Variants in ADAM23 observed in about 807,000 individuals in gnomAD.
ADAM23 encodes disintegrin and metalloproteinase domain-containing protein 23.
In ADAM23, 33 loss-of-function variants were observed where a neutral mutation model predicts 120.1. The ratio of observed to expected loss-of-function variants is 0.27; its 90% CI spans 0.21 to 0.37. The LOEUF (loss-of-function observed/expected upper bound fraction) is 0.37, where lower values mean the gene tolerates loss of function less well. Ranked by LOEUF, ADAM23 falls within the 10% of genes least tolerant of loss-of-function variation. The pLI is 1.00. For missense variants in ADAM23, 862 were observed against 1,058.2 expected, an observed-to-expected ratio of 0.81 and a Z score of 2.57; for synonymous variants, 367 against 375.2, an observed-to-expected ratio of 0.98 and a Z score of 0.25.
intron 2 of ADAM23, among the ~76,000 whole-genome samples, chr2:206,446,779 C>T (rs1695090718): frequency 6.6e-6 from 1 of 151,954 alleles, no homozygotes; most frequent in South Asian, 2.1e-4. Context: ...CTGTTCTCAG[C>T]CAGCCCTTTT....
intron 4 of ADAM23, among the ~76,000 whole-genome samples, chr2:206,533,367 A>G (rs1399507027): frequency 6.6e-6 from 1 of 151,824 alleles, no homozygotes; most frequent in Non-Finnish European, 1.5e-5. Context: ...ATGCCCAAAT[A>G]ATTTTTTTTG....
At chr2:206,604,389 TC>T (rs1698694363) in intron 24 of ADAM23, among the ~76,000 whole-genome samples, 1 of 152,252 alleles carries the variant, frequency 6.6e-6, no homozygotes, top group Non-Finnish European at 1.5e-5. Context: ...TACCTTTCAG[TC>T]CCAGTGTTTG....
chr2:206,530,669 C>CTTTTTTTTTTTTT, intron 3 of ADAM23, among the ~76,000 whole-genome samples: 1 of 74,814 alleles, frequency 1.3e-5, no homozygotes, highest in Non-Finnish European at 2.5e-5. Flanking sequence ...TGTGTCTTGT[C>CTTTTTTTTTTTTT]TTTTTTTTTT....
In ADAM23 at chr2:206,617,684, T is replaced by G; in HGVS notation, c.*57T>G. 6.2e-7 allele frequency: 1 copy of G among 1,607,246 alleles called. No homozygotes were observed. Among genetic ancestry groups the G allele is most frequent in the South Asian group, 1.1e-5 (1 of 89,478 alleles). On this transcript the variant is annotated 3_prime_UTR_variant, in exon 26 of 26. Coordinates refer to ENST00000264377, the MANE Select transcript of ADAM23 (RefSeq NM_003812.4). ...CTGTTGGATTCTGGGTATGACATAC[T>G]CGCAGCAGTGTTACTGGAACTATTA...
chr2:206,479,266 AGT>A (rs1695845955), intron 2 of ADAM23, among the ~76,000 whole-genome samples: 1 of 152,170 alleles, frequency 6.6e-6, no homozygotes, highest in Admixed American at 6.5e-5. Flanking sequence ...ATTTTGCAAG[AGT>A]GTTGTCAGTG....
chr2:206,594,753 T>C lies in ADAM23; in HGVS notation c.2095T>C (p.Leu699=), dbSNP rs200495661. 9 of 1,614,170 alleles carry C rather than the reference T, an allele frequency of 5.6e-6. No homozygotes were observed. The East Asian group carries it at 1.8e-4, about 32-fold the overall frequency. Residue 699 remains leucine (L), a synonymous_variant, in exon 23 of 26, where the codon TTA becomes CTA. Transcript: ENST00000264377. ...TTGTTTTAGTGGTGCCCATGTAGTTTTAGATGATGATACGGATGTGGGCTA... is the reference window on the plus strand; with the variant it reads ...TTGTTTTAGTGGTGCCCATGTAGTTCTAGATGATGATACGGATGTGGGCTA... ...VIDCSGAHVV[L]DDDTDVGYVE...
intron 3 of ADAM23, among the ~76,000 whole-genome samples, chr2:206,494,951 A>C (rs1696207737): frequency 2.0e-5 from 3 of 152,360 alleles, no homozygotes; most frequent in Non-Finnish European, 4.4e-5. Flanking sequence ...TTAGATAAAA[A>C]AAGAATAAAA....
intron 2 of ADAM23, among the ~76,000 whole-genome samples, chr2:206,450,348 C>A (rs1322395742): frequency 1.3e-5 from 2 of 152,152 alleles, no homozygotes; most frequent in African/African-American, 4.8e-5. Flanking sequence ...TCCAGGTCTT[C>A]CTAAGCAGTC....
intron 2 of ADAM23, among the ~76,000 whole-genome samples, chr2:206,470,515 A>G (rs894228240): frequency 1.8e-4 from 28 of 152,210 alleles, no homozygotes; most frequent in Non-Finnish European, 3.2e-4. Flanking sequence ...TCACGTATCA[A>G]TATTAGCTTT....
intron 4 of ADAM23, among the ~76,000 whole-genome samples, 157 bp downstream of exon 4, chr2:206,531,105 A>G (rs2269181): frequency 0.18 from 27,733 of 152,188 alleles, 2,977 homozygotes; most frequent in African/African-American, 0.3. Context: ...ATTAAAATAT[A>G]CAAATGTTTG....
Position 206,484,602 on chromosome 2 carries a change from A to G in ADAM23, c.509+3294A>G, listed in dbSNP as rs185673247. Among the ~76,000 whole-genome samples the G allele has an allele frequency of 1.2e-3, 189 of 152,218 alleles. 1 individual carries two copies. The highest frequency in any genetic ancestry group is 4.3e-3 in the African/African-American group (180 of 41,530). On this transcript the variant is annotated intron_variant, in intron 3 of 25. Coordinates refer to ENST00000264377, the MANE Select transcript of ADAM23 (RefSeq NM_003812.4). ...ATAACTTGCATAGTTAAGTATCAGG[A>G]TCCAGTCTGGGTTAGAAGGGAGATG...
At chr2:206,514,162 C>A (rs967669614) in intron 3 of ADAM23, among the ~76,000 whole-genome samples, 1 of 152,104 alleles carries the variant, frequency 6.6e-6, no homozygotes, top group South Asian at 2.1e-4. Context: ...TTCAGAAATA[C>A]ATTTTGTATT....
chr2:206,456,244 A>T (rs1426175076), intron 2 of ADAM23, among the ~76,000 whole-genome samples: 1 of 152,074 alleles, frequency 6.6e-6, no homozygotes, highest in African/African-American at 2.4e-5. Context: ...AGCAGGAGAG[A>T]GAGAGCAAGC....
intron 4 of ADAM23, 61 bp from the exon 5 acceptor site, chr2:206,541,991 G>A (rs771182635): frequency 6.5e-7 from 1 of 1,537,366 alleles, no homozygotes; most frequent in African/African-American, 1.4e-5. Context: ...CTTTATGGAA[G>A]CACCCAAAGA....
chr2:206,557,838 G>A (rs186643315), intron 10 of ADAM23, among the ~76,000 whole-genome samples: 1 of 152,224 alleles, frequency 6.6e-6, no homozygotes, highest in Non-Finnish European at 1.5e-5. Context: ...GAAACAACTG[G>A]GCTTTTCTTA....
chr2:206,587,993 A>G lies in ADAM23; in HGVS notation c.1789-98A>G, dbSNP rs142944948. Reference sequence around the variant, plus strand: ...AAAAATATTAGGGTATGAAATGAAAAAACTTTATCCAAGTGAACCAGAAGG... The same window carrying G: ...AAAAATATTAGGGTATGAAATGAAAGAACTTTATCCAAGTGAACCAGAAGG... On this transcript the variant is annotated intron_variant, in intron 19 of 25. Coordinates refer to ENST00000264377, the MANE Select transcript of ADAM23 (RefSeq NM_003812.4). 7.6e-4 allele frequency: 981 copies of G among 1,283,882 alleles called. 4 individuals are homozygous for G. In the African/African-American group the frequency reaches 0.012, roughly 16 times the overall value. 79.5% of individuals were successfully genotyped at this position (1,283,882 alleles called of 1,614,324 possible).
chr2:206,455,926 T>G, intron 2 of ADAM23, among the ~76,000 whole-genome samples: 1 of 152,182 alleles, frequency 6.6e-6, no homozygotes, highest in East Asian at 1.9e-4. Context: ...GTTCCAGACT[T>G]TCCCACATTT....
At chr2:206,592,526 A>T (rs1173042092) in intron 21 of ADAM23, 91 bp from the exon 22 acceptor site, 51 of 1,454,862 alleles carry the variant, frequency 3.5e-5, no homozygotes, top group Non-Finnish European at 4.5e-5. Flanking sequence ...ATAATATTTT[A>T]AAAATTTGAA....
chr2:206,589,507 A>C lies in ADAM23; in HGVS notation c.1951A>C (p.Ser651Arg). Reference sequence around the variant, plus strand: ...GGATGGAGACCGGTGGATTCAGTGCAGCAAACAGTGAGTGGTCAGCTCTAA... The same window carrying C: ...GGATGGAGACCGGTGGATTCAGTGCCGCAAACAGTGAGTGGTCAGCTCTAA... ...GKDGDRWIQC[S>R]KHDVFCGFLL... Residue 651 changes from serine to arginine, a missense_variant, in exon 21 of 26, where the codon AGC becomes CGC. Coordinates refer to ENST00000264377, the MANE Select transcript of ADAM23 (RefSeq NM_003812.4). 3.7e-6 allele frequency: 6 copies of C among 1,613,202 alleles called. No homozygotes were observed. Among genetic ancestry groups the C allele is most frequent in the Non-Finnish European group, 5.1e-6 (6 of 1,179,492 alleles).
Sources: allele counts gnomAD v4.1 joint callset (sites outside exome capture counted in the v4.1 genomes callset), GRCh38; gene constraint gnomAD v4.1.1; transcripts MANE v1.5; gene names NCBI Gene and HGNC (gene_info 2026-07-23, HGNC 2026-07-21).